Variants in TAFA1 observed in about 807,000 individuals in gnomAD.
TAFA1 encodes TAFA chemokine like family member 1, also known as chemokine-like protein TAFA-1.
TAFA1 carries 4 observed loss-of-function variants against 18.5 expected under a neutral mutation model. The observed-to-expected ratio is 0.22, with a 90% CI of 0.11 to 0.49. The LOEUF (loss-of-function observed/expected upper bound fraction) is 0.49, where lower values mean the gene tolerates loss of function less well. Among genes scored for constraint, TAFA1 ranks in the 20% least tolerant of loss-of-function variants. TAFA1 has a pLI of 0.98. For missense variants in TAFA1, 147 were observed against 169.0 expected (o/e 0.87, Z 0.72); for synonymous variants, 56 against 55.2 (o/e 1.01, Z -0.06).
chr3:68,398,201 T>G (rs1038380183), intron 2 of TAFA1, among the ~76,000 whole-genome samples: 1 of 152,184 alleles, frequency 6.6e-6, no homozygotes, highest in Non-Finnish European at 1.5e-5. Flanking sequence ...CAAAACAGCA[T>G]GGTACTGGTA....
At chr3:68,490,045 G>T (rs575430026) in intron 3 of TAFA1, among the ~76,000 whole-genome samples, 1 of 152,168 alleles carries the variant, frequency 6.6e-6, no homozygotes, top group African/African-American at 2.4e-5. Context: ...ATAACCAATA[G>T]CATTTGTTGC....
intron 2 of TAFA1, among the ~76,000 whole-genome samples, chr3:68,069,537 CT>C (rs2064725729): frequency 6.6e-6 from 1 of 152,144 alleles, no homozygotes; most frequent in African/African-American, 2.4e-5. Context: ...CATTCCACCC[CT>C]CACCCCTCCC....
chr3:68,513,529 A>G (rs1032617748), intron 3 of TAFA1, among the ~76,000 whole-genome samples: 3 of 152,196 alleles, frequency 2.0e-5, no homozygotes, highest in Non-Finnish European at 2.9e-5. Flanking sequence ...CTTTTTTAGC[A>G]TCAACCTCAG....
chr3:68,471,786 C>A (rs893595744), intron 3 of TAFA1, among the ~76,000 whole-genome samples: 6 of 152,150 alleles, frequency 3.9e-5, no homozygotes, highest in African/African-American at 1.2e-4. Context: ...TTGCATCCTT[C>A]AATCCTATCA....
chr3:68,391,381 T>G (rs145794575), intron 2 of TAFA1, among the ~76,000 whole-genome samples: 1 of 152,020 alleles, frequency 6.6e-6, no homozygotes, highest in Non-Finnish European at 1.5e-5. Context: ...ACCAGACCTA[T>G]GTTTGGTGTA....
chr3:68,327,004 T>A (rs1397653071), intron 2 of TAFA1, among the ~76,000 whole-genome samples: 1 of 152,196 alleles, frequency 6.6e-6, no homozygotes, highest in African/African-American at 2.4e-5. Context: ...AGGGACCCAG[T>A]GGGAAGTAAT....
chr3:68,132,083 A>C (rs564214503), intron 2 of TAFA1, among the ~76,000 whole-genome samples: 1 of 152,044 alleles, frequency 6.6e-6, no homozygotes, highest in Admixed American at 6.5e-5. Context: ...CTCTGTGTCC[A>C]TGTGTTCTCA....
the TAFA1 span, among the ~76,000 whole-genome samples, chr3:67,996,811 A>T: frequency 2.8e-3 from 16 of 5,640 alleles, no homozygotes; most frequent in African/African-American, 6.7e-3. Context: ...CAAAAATAAG[A>T]AAAAAAAAAA....
chr3:68,443,442 G>A (rs1218320821), intron 3 of TAFA1, among the ~76,000 whole-genome samples: 2 of 115,828 alleles, frequency 1.7e-5, no homozygotes, highest in African/African-American at 3.4e-5. Context: ...TCACGCTGCT[G>A]ATAAAGACAC....
chr3:68,310,543 T>A (rs560744441), intron 2 of TAFA1, among the ~76,000 whole-genome samples: 11 of 152,298 alleles, frequency 7.2e-5, no homozygotes, highest in African/African-American at 2.6e-4. Context: ...GTTGAAGTAG[T>A]TCATATTCAT....
chr3:68,201,006 T>A (rs2066463758), intron 2 of TAFA1, among the ~76,000 whole-genome samples: 1 of 151,622 alleles, frequency 6.6e-6, no homozygotes, highest in African/African-American at 2.4e-5. Context: ...ATGCATTCAA[T>A]GCTGTAAACT....
chr3:68,521,864 T>TTTTTTG (rs1377237930), intron 3 of TAFA1, among the ~76,000 whole-genome samples: 1 of 130,354 alleles, frequency 7.7e-6, no homozygotes, highest in Non-Finnish European at 1.6e-5. Flanking sequence ...CTGTTTTTTT[T>TTTTTTG]TTTTTTTTTT....
At chr3:68,439,422 T>C (rs977636411) in intron 3 of TAFA1, among the ~76,000 whole-genome samples, 5 of 127,376 alleles carry the variant, frequency 3.9e-5, no homozygotes, top group African/African-American at 1.2e-4. Context: ...CATATATATA[T>C]ATATATATAT....
intron 2 of TAFA1, among the ~76,000 whole-genome samples, chr3:68,248,967 C>T (rs1166555789): frequency 6.6e-6 from 1 of 152,078 alleles, no homozygotes; most frequent in Non-Finnish European, 1.5e-5. Flanking sequence ...GTCCAGCCCT[C>T]TGCCACAGAA....
chr3:68,340,942 C>T (rs1159046860), intron 2 of TAFA1, among the ~76,000 whole-genome samples: 10 of 152,234 alleles, frequency 6.6e-5, no homozygotes, highest in African/African-American at 1.7e-4. Context: ...ACAGTGGAGA[C>T]GTTGAGAGTA....
chr3:68,465,698 G>A (rs1172965901), intron 3 of TAFA1, among the ~76,000 whole-genome samples: 2 of 152,148 alleles, frequency 1.3e-5, no homozygotes, highest in Admixed American at 1.3e-4. Flanking sequence ...CTAGCCACAG[G>A]TCCATATTCT....
At chr3:67,993,649 C>T in the TAFA1 span, among the ~76,000 whole-genome samples, 1 of 152,152 alleles carries the variant, frequency 6.6e-6, no homozygotes, top group Non-Finnish European at 1.5e-5. Context: ...GTGTAAAGGG[C>T]TTTACTGGCT....
chr3:68,241,443 G>A (rs1236112192), intron 2 of TAFA1, among the ~76,000 whole-genome samples: 4 of 152,116 alleles, frequency 2.6e-5, no homozygotes, highest in African/African-American at 9.7e-5. Context: ...CTGTTGAGAA[G>A]TCCAACTCTT....
At chr3:68,166,409 C>T (rs2065982632) in intron 2 of TAFA1, among the ~76,000 whole-genome samples, 1 of 152,116 alleles carries the variant, frequency 6.6e-6, no homozygotes, top group South Asian at 2.1e-4. Flanking sequence ...GCGTTTGAGG[C>T]TCTTTCAGAC....
Sources: gnomAD v4.1 joint callset for allele counts (sites outside exome capture counted in the v4.1 genomes callset) on GRCh38, gnomAD v4.1.1 for gene constraint, MANE v1.5 for transcripts, NCBI Gene and HGNC (gene_info 2026-07-23, HGNC 2026-07-21) for gene names.